Variants in PLPPR1 observed in about 807,000 individuals in gnomAD.
The protein encoded by PLPPR1 is phospholipid phosphatase-related protein type 1.
Under a neutral mutation model 33.1 loss-of-function variants are expected in PLPPR1, and 10 were observed. The observed-to-expected ratio is 0.30, with a 90% confidence interval of 0.19 to 0.51. PLPPR1 has a LOEUF of 0.51. Among genes scored for constraint, PLPPR1 ranks in the 20% least tolerant of loss-of-function variants. The pLI is 0.97. For missense variants in PLPPR1, 304 were observed against 408.1 expected (o/e 0.74, Z 2.20); for synonymous variants, 151 against 151.0 (o/e 1.00, Z 0.00).
At chr9:101,181,608 A>ATGTG (rs374750617) in intron 1 of PLPPR1, among the ~76,000 whole-genome samples, 3,142 of 129,656 alleles carry the variant, frequency 0.024, 102 homozygotes, top group African/African-American at 0.074. Flanking sequence ...GGGTATATGT[A>ATGTG]TGTGTGTGTG....
chr9:101,121,104 G>A (rs1475980427), intron 1 of PLPPR1, among the ~76,000 whole-genome samples: 1 of 152,156 alleles, frequency 6.6e-6, no homozygotes, highest in African/African-American at 2.4e-5. Context: ...TGTAGCACTT[G>A]GGACACATAA....
intron 2 of PLPPR1, among the ~76,000 whole-genome samples, chr9:101,210,861 G>T (rs970917453): frequency 6.6e-6 from 1 of 152,114 alleles, no homozygotes; most frequent in African/African-American, 2.4e-5. Context: ...TCCGCCTCCT[G>T]GGTTCACACC....
chr9:101,158,890 T>C (rs961456538), intron 1 of PLPPR1, among the ~76,000 whole-genome samples: 5 of 152,320 alleles, frequency 3.3e-5, no homozygotes, highest in African/African-American at 1.2e-4. Flanking sequence ...CACCAATTGC[T>C]TCTCCTAAGT....
intron 1 of PLPPR1, among the ~76,000 whole-genome samples, chr9:101,106,377 A>C (rs200429570): frequency 1.7e-5 from 2 of 118,280 alleles, no homozygotes; most frequent in African/African-American, 3.5e-5. Flanking sequence ...TTGCTTGTCT[A>C]TAAAGTATTT....
intron 1 of PLPPR1, among the ~76,000 whole-genome samples, chr9:101,067,614 G>A (rs1347851031): frequency 3.3e-5 from 5 of 151,996 alleles, no homozygotes; most frequent in African/African-American, 4.8e-5. Context: ...TTATTCTGCC[G>A]AGAGAGGTCA....
At chr9:101,235,941 C>A (rs1827290811) in intron 2 of PLPPR1, among the ~76,000 whole-genome samples, 2 of 151,754 alleles carry the variant, frequency 1.3e-5, no homozygotes, top group South Asian at 4.1e-4. Flanking sequence ...GAGCTTTATA[C>A]CTGACAAAAT....
chr9:101,252,364 A>G (rs1329075), intron 2 of PLPPR1, among the ~76,000 whole-genome samples: 74,385 of 151,986 alleles, frequency 0.49, 19,241 homozygotes, highest in African/African-American at 0.67. Flanking sequence ...AATTGGCTTC[A>G]TTTAGATGCA....
chr9:101,077,625 T>A (rs930764879), intron 1 of PLPPR1, among the ~76,000 whole-genome samples: 5 of 152,118 alleles, frequency 3.3e-5, no homozygotes, highest in Non-Finnish European at 5.9e-5. Context: ...GGAAGCTGAC[T>A]GGACAGAGGA....
At chr9:101,243,583 G>C (rs1489202748) in intron 2 of PLPPR1, among the ~76,000 whole-genome samples, 1 of 151,992 alleles carries the variant, frequency 6.6e-6, no homozygotes, top group Non-Finnish European at 1.5e-5. Flanking sequence ...AGAGAAGGAA[G>C]TACTGTGAGA....
rs1423306786 is a variant in PLPPR1, at chr9:101,324,090, A to G, written c.*33A>G. On this transcript the variant is annotated 3_prime_UTR_variant, in exon 8 of 8. Coordinates refer to ENST00000374874, the MANE Select transcript of PLPPR1 (RefSeq NM_207299.2). ...GATGTGTCACAAGCTGTTTTTTAAA[A>G]TCATCTTCCAATTCTATACTTCAAA... 1.3e-6 allele frequency: 2 copies of G among 1,588,450 alleles called. No homozygotes were observed. Among genetic ancestry groups the G allele is most frequent in the Admixed American group, 1.7e-5 (1 of 59,852 alleles).
chr9:101,273,100 A>AT (rs913033208), intron 3 of PLPPR1, among the ~76,000 whole-genome samples: 13 of 152,170 alleles, frequency 8.5e-5, no homozygotes, highest in Non-Finnish European at 1.5e-4. Context: ...TAATATTAGG[A>AT]TTTTTTAAGG....
rs1469452915 is a variant in PLPPR1, at chr9:101,246,063, T to C, written c.64-23817T>C. Reference sequence around the variant, plus strand: ...TCTCAAAATTGAATATGAATATATATATATATATATATATATATATATATA... The same window carrying C: ...TCTCAAAATTGAATATGAATATATACATATATATATATATATATATATATA... On this transcript the variant is annotated intron_variant, in intron 2 of 7. Coordinates refer to ENST00000374874, the MANE Select transcript of PLPPR1 (RefSeq NM_207299.2). 9.0e-5 allele frequency among the ~76,000 whole-genome samples: 2 copies of C among 22,180 alleles called. 1 individual carries two copies. The highest frequency in any genetic ancestry group is 2.1e-4 in the African/African-American group (2 of 9,674). The allele number at this position is 22,180 out of a possible 152,430, so 14.6% of individuals were successfully genotyped here. A position where few individuals can be genotyped will look rare whatever the true frequency, so the allele number is the denominator to read the frequency against.
At chr9:101,183,631 A>G (rs1007037520) in intron 1 of PLPPR1, among the ~76,000 whole-genome samples, 4 of 151,660 alleles carry the variant, frequency 2.6e-5, no homozygotes, top group African/African-American at 9.7e-5. Flanking sequence ...TGAATTGTAC[A>G]CTTAAAATGA....
chr9:101,216,365 T>C (rs565630655), intron 2 of PLPPR1, among the ~76,000 whole-genome samples: 6 of 151,840 alleles, frequency 4.0e-5, no homozygotes, highest in South Asian at 2.1e-4. Flanking sequence ...CCCATTTTGA[T>C]TGGATTTTTT....
chr9:101,061,250 T>C (rs928020453), intron 1 of PLPPR1, among the ~76,000 whole-genome samples: 3 of 151,966 alleles, frequency 2.0e-5, no homozygotes, highest in Admixed American at 6.6e-5. Flanking sequence ...TATATCTAAT[T>C]GCCTCTGTGA....
intron 3 of PLPPR1, among the ~76,000 whole-genome samples, chr9:101,271,348 C>T (rs1014803881): frequency 2.0e-5 from 3 of 152,122 alleles, no homozygotes; most frequent in African/African-American, 4.8e-5. Flanking sequence ...CTGGCATTTA[C>T]GAAGTGTTCA....
intron 1 of PLPPR1, among the ~76,000 whole-genome samples, chr9:101,050,505 G>A (rs1830210118): frequency 6.6e-6 from 1 of 152,188 alleles, no homozygotes; most frequent in Non-Finnish European, 1.5e-5. Flanking sequence ...TCCCAAATGA[G>A]TAGGTGCTGG....
At chr9:101,317,630 A>C in intron 7 of PLPPR1, 134 bp downstream of exon 7, 1 of 886,950 alleles carries the variant, frequency 1.1e-6, no homozygotes, top group Non-Finnish European at 1.7e-6. Context: ...GGCCCTCACA[A>C]AAGGCAGCCT....
At position 101,058,662 on chromosome 9, in the gene PLPPR1, T is replaced by G. The variant is rs188655785; in HGVS notation, c.-46+29560T>G. On this transcript the variant is annotated intron_variant, in intron 1 of 7. Transcript: ENST00000374874. ...CAGGATAGCATAACATTTAAATTAT[T>G]TTTTTCTAATTTTCTATGCCATCTC... Among the ~76,000 whole-genome samples, 85 of 152,266 alleles carry G rather than the reference T, an allele frequency of 5.6e-4. 1 individual carries two copies. The highest frequency in any genetic ancestry group is 1.1e-3 in the Non-Finnish European group (73 of 68,018).
Sources: allele counts gnomAD v4.1 joint callset (sites outside exome capture counted in the v4.1 genomes callset), GRCh38; gene constraint gnomAD v4.1.1; transcripts MANE v1.5; gene names NCBI Gene and HGNC (gene_info 2026-07-23, HGNC 2026-07-21).